The following CARMIL1 variants were observed in gnomAD, a reference collection of about 807,000 sequenced individuals.
CARMIL1 encodes F-actin-uncapping protein LRRC16A.
Under a neutral mutation model 177.1 loss-of-function variants are expected in CARMIL1, and 90 were observed. The observed-to-expected ratio is 0.51, with a 90% CI of 0.43 to 0.61. CARMIL1 has a LOEUF of 0.61. Ranked by LOEUF, CARMIL1 falls within the 20% of genes least tolerant of loss-of-function variation. CARMIL1 has a pLI of 0.00. For synonymous variants in CARMIL1, 577 were observed against 606.2 expected (o/e 0.95, Z 0.71); for missense variants, 1,380 against 1,667.0 (o/e 0.83, Z 3.00).
chr6:25,512,932 A>T (rs1188129841), intron 20 of CARMIL1, among the ~76,000 whole-genome samples: 2 of 152,216 alleles, frequency 1.3e-5, no homozygotes. Flanking sequence ...TCAGCTATGA[A>T]AAAGAAATAG....
At chr6:25,336,100 A>G (rs1040241097) in intron 2 of CARMIL1, among the ~76,000 whole-genome samples, 10 of 151,684 alleles carry the variant, frequency 6.6e-5, no homozygotes, top group Non-Finnish European at 1.2e-4. Context: ...TTTCCAGGAG[A>G]AAAAAAATAA....
chr6:25,476,798 G>A lies in CARMIL1; in HGVS notation c.874+4277G>A, dbSNP rs941103254. ...ACTATTATTTGTAAGGAAGCTCAAA[G>A]AAATACAAGGGCCTGGGCGCGGTGG... On this transcript the variant is annotated intron_variant, in intron 11 of 36. Coordinates refer to ENST00000329474, the MANE Select transcript of CARMIL1 (RefSeq NM_017640.6). 5.3e-5 allele frequency among the ~76,000 whole-genome samples: 8 copies of A among 152,192 alleles called. No homozygotes were observed. The East Asian group carries it at 1.4e-3, about 26-fold the overall frequency.
chr6:25,412,948 G>T (rs1010985976), intron 2 of CARMIL1, among the ~76,000 whole-genome samples: 1 of 152,122 alleles, frequency 6.6e-6, no homozygotes, highest in African/African-American at 2.4e-5. Flanking sequence ...CTTTTTTGGT[G>T]TTCCTTTTGG....
At chr6:25,335,398 T>G (rs937521949) in intron 2 of CARMIL1, among the ~76,000 whole-genome samples, 1 of 152,206 alleles carries the variant, frequency 6.6e-6, no homozygotes, top group East Asian at 1.9e-4. Flanking sequence ...GAAATGAGGT[T>G]TCTAAAAATT....
At chr6:25,596,584 A>G (rs1054189330) in intron 32 of CARMIL1, among the ~76,000 whole-genome samples, 1 of 152,108 alleles carries the variant, frequency 6.6e-6, no homozygotes, top group Non-Finnish European at 1.5e-5. Context: ...TAGTACTGTA[A>G]CCGCTAACTT....
intron 30 of CARMIL1, 123 bp from the exon 31 acceptor site, chr6:25,581,120 C>A: frequency 7.9e-7 from 1 of 1,264,200 alleles, no homozygotes; most frequent in African/African-American, 1.5e-5. Flanking sequence ...GTTCAGTGAT[C>A]TGTGAATGTG....
rs1371686863 is a variant in CARMIL1, at chr6:25,475,584, G to GTT, written c.874+3064_874+3065dup. On this transcript the variant is annotated intron_variant, in intron 11 of 36. Transcript: ENST00000329474. ...TCCAAATGTTCATCACTGGAGAGTG[G>GTT]TTACATAAAATGCGGTATATATAAT... Among the ~76,000 whole-genome samples the GTT allele has an allele frequency of 2.0e-5, 3 of 152,292 alleles. No homozygotes were observed. In the East Asian group the frequency reaches 5.8e-4, roughly 29 times the overall value.
At chr6:25,379,277 G>A (rs749241316) in intron 2 of CARMIL1, among the ~76,000 whole-genome samples, 1 of 152,156 alleles carries the variant, frequency 6.6e-6, no homozygotes, top group Non-Finnish European at 1.5e-5. Context: ...GGAAAGAAAG[G>A]GGGATGTCAG....
At chr6:25,432,727 A>G (rs1331906917) in intron 4 of CARMIL1, among the ~76,000 whole-genome samples, 8 of 152,192 alleles carry the variant, frequency 5.3e-5, no homozygotes, top group Admixed American at 5.2e-4. Context: ...ATGGATGGAT[A>G]AGCCATCCAC....
In CARMIL1 at chr6:25,620,075, C is replaced by T. The variant is rs955226702; in HGVS notation, c.*492C>T. The T allele has an allele frequency of 6.5e-6, 1 of 152,672 alleles. No individual in the cohort carries two copies. Among genetic ancestry groups the T allele is most frequent in the African/African-American group, 2.4e-5 (1 of 41,414 alleles). 9.5% of individuals were successfully genotyped at this position (152,672 alleles called of 1,614,324 possible). On this transcript the variant is annotated 3_prime_UTR_variant, in exon 37 of 37. Coordinates refer to ENST00000329474, the MANE Select transcript of CARMIL1 (RefSeq NM_017640.6). ...AATTTATTCTTGATGTATGCAATTG[C>T]ACATTGTAATTATATTAACAGAGCA...
chr6:25,397,866 T>A (rs1230130896), intron 2 of CARMIL1, among the ~76,000 whole-genome samples: 5 of 152,236 alleles, frequency 3.3e-5, no homozygotes, highest in Admixed American at 3.3e-4. Flanking sequence ...ATAAGCTTTT[T>A]AACATATACA....
intron 2 of CARMIL1, among the ~76,000 whole-genome samples, chr6:25,358,003 G>C (rs945538249): frequency 1.3e-5 from 2 of 152,150 alleles, no homozygotes; most frequent in Non-Finnish European, 2.9e-5. Context: ...TGACAGGTTG[G>C]GCTGCTTTTC....
chr6:25,359,493 C>T (rs564178247), intron 2 of CARMIL1, among the ~76,000 whole-genome samples: 1 of 152,330 alleles, frequency 6.6e-6, no homozygotes, highest in East Asian at 1.9e-4. Context: ...TAAGAAGACA[C>T]TCAGCAGAGC....
intron 2 of CARMIL1, among the ~76,000 whole-genome samples, chr6:25,373,862 C>A (rs1426021207): frequency 6.6e-6 from 1 of 152,096 alleles, no homozygotes; most frequent in Non-Finnish European, 1.5e-5. Context: ...GATTACAGGC[C>A]TGAGCCACTG....
At position 25,465,674 on chromosome 6, in the gene CARMIL1, T is replaced by G. The variant is rs956784093; in HGVS notation, c.615-199T>G. 5.4e-6 allele frequency: 3 copies of G among 555,352 alleles called. No individual in the cohort carries two copies. The African/African-American group carries it at 5.7e-5, about 10-fold the overall frequency. 34.4% of individuals were successfully genotyped at this position (555,352 alleles called of 1,614,324 possible). A position where few individuals can be genotyped will look rare whatever the true frequency, so the allele number is the denominator to read the frequency against. ...CTTTGGAAGTAGGAAACAGAGTCCC[T>G]AGAGACAATTTACTTCAACTTTTGG... On this transcript the variant is annotated intron_variant, in intron 8 of 36. Coordinates refer to ENST00000329474, the MANE Select transcript of CARMIL1 (RefSeq NM_017640.6).
At chr6:25,346,055 T>A (rs1787478914) in intron 2 of CARMIL1, among the ~76,000 whole-genome samples, 1 of 152,250 alleles carries the variant, frequency 6.6e-6, no homozygotes, top group Non-Finnish European at 1.5e-5. Flanking sequence ...ATTTTTCACC[T>A]GGATTAGGAG....
At chr6:25,606,742 A>G (rs77935157) in intron 35 of CARMIL1, among the ~76,000 whole-genome samples, 2 of 152,288 alleles carry the variant, frequency 1.3e-5, no homozygotes, top group Admixed American at 6.5e-5. Flanking sequence ...TTGGCAAACA[A>G]TGGGCCTGTT....
chr6:25,525,433 A>G (rs191890080), intron 23 of CARMIL1, among the ~76,000 whole-genome samples: 33 of 152,318 alleles, frequency 2.2e-4, no homozygotes, highest in African/African-American at 7.2e-4. Flanking sequence ...AGGATAAACA[A>G]AAACTGAGGG....
At chr6:25,388,760 C>T (rs1454152658) in intron 2 of CARMIL1, among the ~76,000 whole-genome samples, 2 of 152,114 alleles carry the variant, frequency 1.3e-5, no homozygotes, top group Non-Finnish European at 2.9e-5. Flanking sequence ...GCCTGCAACT[C>T]CTGGGCTCAA....
Sources: gnomAD v4.1 joint callset for allele counts (sites outside exome capture counted in the v4.1 genomes callset) on GRCh38, gnomAD v4.1.1 for gene constraint, MANE v1.5 for transcripts, NCBI Gene and HGNC (gene_info 2026-07-23, HGNC 2026-07-21) for gene names.